Variants in FBXO30 observed in about 807,000 individuals in gnomAD.
FBXO30 encodes F-box only protein 30.
FBXO30 carries 21 observed loss-of-function variants against 58.1 expected under a neutral mutation model. That is an observed-to-expected ratio of 0.36 (90% CI 0.26 to 0.52). FBXO30 has a LOEUF of 0.52. FBXO30 is among the 20% of genes least tolerant of loss of function. The pLI, the probability that FBXO30 is intolerant of heterozygous loss-of-function variation, is 0.93. For missense variants in FBXO30, 744 were observed against 897.3 expected (o/e 0.83, Z 2.18); for synonymous variants, 309 against 312.4 (o/e 0.99, Z 0.11).
At chr6:145,803,254 GAA>G (rs1236873543) in intron 2 of FBXO30, among the ~76,000 whole-genome samples, 2 of 151,984 alleles carry the variant, frequency 1.3e-5, no homozygotes, top group Non-Finnish European at 1.5e-5. Flanking sequence ...CCAAAGGGAA[GAA>G]AAGATACAAA....
intron 1 of FBXO30, among the ~76,000 whole-genome samples, chr6:145,810,460 G>A (rs1778302566): frequency 6.6e-6 from 1 of 152,180 alleles, no homozygotes; most frequent in Non-Finnish European, 1.5e-5. Flanking sequence ...CAGTGACACA[G>A]TAGGCACAGT....
intron 2 of FBXO30, among the ~76,000 whole-genome samples, chr6:145,803,785 C>G (rs1178477366): frequency 6.6e-6 from 1 of 152,172 alleles, no homozygotes; most frequent in Non-Finnish European, 1.5e-5. Flanking sequence ...TCAAATCCTA[C>G]TGCCCTACTC....
In FBXO30 at chr6:145,794,564, C is replaced by T. The variant is rs939773818; in HGVS notation, c.*5542G>A. 1.3e-5 allele frequency: 2 copies of T among 151,838 alleles called. No individual in the cohort carries two copies. The highest frequency in any genetic ancestry group is 2.9e-5 in the Non-Finnish European group (2 of 67,814). 9.4% of individuals were successfully genotyped at this position (151,838 alleles called of 1,614,324 possible). ...ATGTTGTAGGGACCAATACTGTTCT[C>T]TCCATATTTTATTTAAAATACAGAT... On this transcript the variant is annotated 3_prime_UTR_variant, in exon 3 of 3. Coordinates refer to ENST00000237281, the MANE Select transcript of FBXO30 (RefSeq NM_032145.5).
chr6:145,795,553 G>T lies in FBXO30; in HGVS notation c.*4553C>A, dbSNP rs181568127. The T allele has an allele frequency of 6.6e-6, 1 of 151,890 alleles. No homozygotes were observed. Among genetic ancestry groups the T allele is most frequent in the Non-Finnish European group, 1.5e-5 (1 of 67,798 alleles). The allele number at this position is 151,890 out of a possible 1,614,324, so 9.4% of individuals were successfully genotyped here. On this transcript the variant is annotated 3_prime_UTR_variant, in exon 3 of 3. Transcript: ENST00000237281. ...ATGCTTCCGTCCAGCTTATCAAAAA[G>T]ATTGAAAATTATTTTTAAAAAAGGA...
intron 1 of FBXO30, among the ~76,000 whole-genome samples, chr6:145,808,747 T>A (rs1778253029): frequency 6.6e-6 from 1 of 152,208 alleles, no homozygotes; most frequent in Non-Finnish European, 1.5e-5. Context: ...AATTACATTG[T>A]AGTAGACAAG....
At chr6:145,810,941 C>G (rs1475409380) in intron 1 of FBXO30, among the ~76,000 whole-genome samples, 1 of 152,112 alleles carries the variant, frequency 6.6e-6, no homozygotes, top group Non-Finnish European at 1.5e-5. Flanking sequence ...TAAGTCTTGG[C>G]TTACCTGTTA....
rs780109784 is a variant in FBXO30 at position 145,804,432 on chromosome 6, T to A, written c.1974A>T (p.Ile658=). Residue 658 remains isoleucine, a synonymous_variant, in exon 2 of 3, where the codon ATA becomes ATT. Coordinates refer to ENST00000237281, the MANE Select transcript of FBXO30 (RefSeq NM_032145.5). Reference sequence around the variant, plus strand: ...GATACTTCCTTTTCCCCCACTGCAGTATGACCATGCCACGAGACTGAAGCA... The same window carrying A: ...GATACTTCCTTTTCCCCCACTGCAGAATGACCATGCCACGAGACTGAAGCA... ...GSLLQSRGMV[I]LQWGKRKYPE... 7 of 1,613,722 alleles carry A rather than the reference T, an allele frequency of 4.3e-6. No individual in the cohort carries two copies. The highest frequency in any genetic ancestry group is 5.9e-6 in the Non-Finnish European group (7 of 1,179,744).
At chr6:145,803,074 T>C (rs976771762) in intron 2 of FBXO30, among the ~76,000 whole-genome samples, 3 of 151,892 alleles carry the variant, frequency 2.0e-5, no homozygotes, top group Admixed American at 6.6e-5. Context: ...GTGGAGCAAA[T>C]GGCTAGGATA....
chr6:145,802,449 G>A (rs1778031370), intron 2 of FBXO30, among the ~76,000 whole-genome samples: 1 of 152,116 alleles, frequency 6.6e-6, no homozygotes, highest in African/African-American at 2.4e-5. Flanking sequence ...GTGAGAATTA[G>A]GGATGGCATA....
At chr6:145,812,757 C>G (rs1193417081) in intron 1 of FBXO30, among the ~76,000 whole-genome samples, 3 of 152,140 alleles carry the variant, frequency 2.0e-5, no homozygotes, top group Non-Finnish European at 4.4e-5. Context: ...AAGATTTTCA[C>G]AGACTGGGTT....
At chr6:145,803,443 A>T (rs1270976974) in intron 2 of FBXO30, among the ~76,000 whole-genome samples, 1 of 152,150 alleles carries the variant, frequency 6.6e-6, no homozygotes, top group Admixed American at 6.5e-5. Flanking sequence ...AATGCAAGAA[A>T]ACCTAAAGGT....
In FBXO30 at chr6:145,796,686, A is replaced by G. The variant is rs1192960059; in HGVS notation, c.*3420T>C. On this transcript the variant is annotated 3_prime_UTR_variant, in exon 3 of 3. Transcript: ENST00000237281. ...CCTTAGGAAATTTTAAAATTAATAA[A>G]CCCCATGTCTTTTCAGGTTGGGATG... The G allele has an allele frequency of 1.3e-5, 2 of 151,970 alleles. No homozygotes were observed. Among genetic ancestry groups the G allele is most frequent in the Admixed American group, 6.6e-5 (1 of 15,234 alleles). 9.4% of individuals were successfully genotyped at this position (151,970 alleles called of 1,614,324 possible).
Position 145,814,534 on chromosome 6 carries a change from G to T in FBXO30, c.-17+69C>A, listed in dbSNP as rs370190564. ...TCCCGGCCGCGGCCTCAAACTGCCC[G>T]GCCGCTGCCTTCGTCCCCGCCGCAG... On this transcript the variant is annotated intron_variant, in intron 1 of 2. Transcript: ENST00000237281. 1.5e-4 allele frequency: 23 copies of T among 151,776 alleles called. No homozygotes were observed. In the East Asian group the frequency reaches 3.9e-3, roughly 26 times the overall value. The allele number at this position is 151,776 out of a possible 1,614,324, so 9.4% of individuals were successfully genotyped here. A position where few individuals can be genotyped will look rare whatever the true frequency, so the allele number is the denominator to read the frequency against.
Position 145,799,749 on chromosome 6 carries a change from TGGGTC to T in FBXO30, c.*352_*356del, listed in dbSNP as rs1414882031. 1 of 156,946 alleles carries T rather than the reference TGGGTC, an allele frequency of 6.4e-6. No individual in the cohort carries two copies. The highest frequency in any genetic ancestry group is 1.4e-5 in the Non-Finnish European group (1 of 71,022). The allele number at this position is 156,946 out of a possible 1,614,324, so 9.7% of individuals were successfully genotyped here. ...ATCAAAATTTTGCTTTTTGATTGCA[TGGGTC>T]GCAACCCACAGAAAACAACAAATAA... On this transcript the variant is annotated 3_prime_UTR_variant, in exon 3 of 3. Transcript: ENST00000237281.
rs1439278064 is a variant in FBXO30, at chr6:145,804,382, A to T, written c.2024T>A (p.Ile675Lys). Residue 675 changes from isoleucine (I) to lysine (K), a missense_variant, in exon 2 of 3, where the codon ATA becomes AAA. By Grantham distance (102) the Ile-to-Lys change is moderately radical. Coordinates refer to ENST00000237281, the MANE Select transcript of FBXO30 (RefSeq NM_032145.5). ...KYPEGNSSWQIKEKVWRFSTA... is the reference protein window; with the variant it reads ...KYPEGNSSWQKKEKVWRFSTA... ...AAAGATTACACTAACCTTTTCTTTTATCTGCCATGATGAATTTCCTTCTGG... is the reference window on the plus strand; with the variant it reads ...AAAGATTACACTAACCTTTTCTTTTTTCTGCCATGATGAATTTCCTTCTGG... The T allele has an allele frequency of 6.2e-7, 1 of 1,610,704 alleles. No homozygotes were observed. The highest frequency in any genetic ancestry group is 2.2e-5 in the East Asian group (1 of 44,858).
chr6:145,811,327 T>G (rs569211193), intron 1 of FBXO30, among the ~76,000 whole-genome samples: 1 of 152,316 alleles, frequency 6.6e-6, no homozygotes, highest in South Asian at 2.1e-4. Flanking sequence ...CTTCATTGTA[T>G]TGGCCATAAA....
chr6:145,803,033 T>C (rs766078587), intron 2 of FBXO30, among the ~76,000 whole-genome samples: 55 of 152,044 alleles, frequency 3.6e-4, no homozygotes, highest in Non-Finnish European at 7.1e-4. Context: ...AAATGTCCAG[T>C]AGATGCTTGT....
chr6:145,804,342 C>G, intron 2 of FBXO30, 30 bp downstream of exon 2: 1 of 1,547,444 alleles, frequency 6.5e-7, no homozygotes, highest in Non-Finnish European at 8.8e-7. Context: ...CTCTTTATGT[C>G]AAATAAGAGG....
rs1319096287 is a variant in FBXO30, at chr6:145,800,300, A to G, written c.2044T>C (p.Phe682Leu). 6.2e-7 allele frequency: 1 copy of G among 1,612,224 alleles called. No homozygotes were observed. The highest frequency in any genetic ancestry group is 2.2e-5 in the East Asian group (1 of 44,842). ...SWQIKEKVWR[F>L]STAFCSVNEW... ...TTAACAGAACAAAATGCAGTACTAAATCGCCATACCTACAAGAAAATTCTA... is the reference window on the plus strand; with the variant it reads ...TTAACAGAACAAAATGCAGTACTAAGTCGCCATACCTACAAGAAAATTCTA... Residue 682 changes from phenylalanine to leucine, a missense_variant, in exon 3 of 3, where the codon TTT (phenylalanine) becomes CTT (leucine). Physicochemically the swap from Phe to Leu is conservative, Grantham distance 22 (BLOSUM62 0). Around this residue, in one of 3 missense-constraint regions of FBXO30, gnomAD observed 334 missense variants for 433.7 expected, o/e 0.77. Transcript: ENST00000237281.
Sources: gnomAD v4.1 joint callset for allele counts (sites outside exome capture counted in the v4.1 genomes callset) on GRCh38, gnomAD v4.1.1 for gene constraint, gnomAD v4.1.1 regional missense constraint, MANE v1.5 for transcripts, NCBI Gene and HGNC (gene_info 2026-07-23, HGNC 2026-07-21) for gene names.